Variants in RANBP2 observed in about 807,000 individuals in gnomAD.
RANBP2 encodes E3 SUMO-protein ligase RanBP2.
Under a neutral mutation model 303.6 loss-of-function variants are expected in RANBP2, and 57 were observed. The ratio of observed to expected loss-of-function variants is 0.19; its 90% confidence interval spans 0.15 to 0.23. RANBP2 has a LOEUF of 0.23. Among genes scored for constraint, RANBP2 ranks in the 10% least tolerant of loss-of-function variants. The pLI is 1.00. For missense variants in RANBP2, 3,138 were observed against 3,780.8 expected (o/e 0.83, Z 4.46); for synonymous variants, 1,167 against 1,301.5 (o/e 0.90, Z 2.23).
the RANBP2 span, among the ~76,000 whole-genome samples, chr2:109,255,778 A>G: frequency 1.3e-5 from 2 of 152,236 alleles, no homozygotes; most frequent in South Asian, 2.1e-4. Flanking sequence ...TTCCTGATTT[A>G]ATGAAGACAA....
the RANBP2 span, among the ~76,000 whole-genome samples, chr2:109,081,534 T>A: frequency 5.3e-5 from 8 of 152,268 alleles, no homozygotes; most frequent in East Asian, 1.4e-3. Context: ...CAAGCCTCCA[T>A]CGTGCTCAGG....
At chr2:109,301,440 G>T in the RANBP2 span, among the ~76,000 whole-genome samples, 1 of 152,082 alleles carries the variant, frequency 6.6e-6, no homozygotes, top group African/African-American at 2.4e-5. Context: ...CCTCTCCTCC[G>T]GGGATTGCTG....
chr2:109,738,134 C>T, the RANBP2 span, among the ~76,000 whole-genome samples: 1 of 151,828 alleles, frequency 6.6e-6, no homozygotes, highest in African/African-American at 2.4e-5. Flanking sequence ...TTTTTGTGGT[C>T]TCATCTGTAA....
chr2:108,839,981 G>T, the RANBP2 span, among the ~76,000 whole-genome samples: 1 of 151,950 alleles, frequency 6.6e-6, no homozygotes, highest in South Asian at 2.1e-4. Context: ...CCATTACTAA[G>T]TATAATATTA....
At chr2:109,057,493 G>A in the RANBP2 span, among the ~76,000 whole-genome samples, 19 of 152,312 alleles carry the variant, frequency 1.2e-4, no homozygotes, top group South Asian at 8.3e-4. Flanking sequence ...AGCAGATTGC[G>A]GAGTCGAAGG....
the RANBP2 span, among the ~76,000 whole-genome samples, chr2:109,026,494 C>T: frequency 5.9e-5 from 9 of 152,186 alleles, no homozygotes; most frequent in African/African-American, 1.9e-4. Flanking sequence ...TTGCCTGTCC[C>T]TTGGGCCCCT....
the RANBP2 span, among the ~76,000 whole-genome samples, chr2:109,131,773 G>T: frequency 6.6e-6 from 1 of 152,202 alleles, no homozygotes; most frequent in Non-Finnish European, 1.5e-5. Context: ...CTCACCATAT[G>T]TTGAGACCCT....
chr2:109,442,502 CTG>C, the RANBP2 span, among the ~76,000 whole-genome samples: 4 of 152,230 alleles, frequency 2.6e-5, no homozygotes, highest in South Asian at 8.3e-4. Context: ...ATATAATTGA[CTG>C]TTTAAACAAA....
the RANBP2 span, among the ~76,000 whole-genome samples, chr2:109,638,805 C>T: frequency 6.6e-6 from 1 of 152,094 alleles, no homozygotes; most frequent in African/African-American, 2.4e-5. Flanking sequence ...AAGAAACAAC[C>T]CCACAGTTCT....
At chr2:109,613,850 A>G in the RANBP2 span, 1 of 1,236,458 alleles carries the variant, frequency 8.1e-7, no homozygotes, top group Non-Finnish European at 1.0e-6. Context: ...GGGCACGGTG[A>G]AGCGGCTGTA....
At chr2:108,980,612 G>A in the RANBP2 span, among the ~76,000 whole-genome samples, 3 of 152,126 alleles carry the variant, frequency 2.0e-5, no homozygotes, top group African/African-American at 4.8e-5. Flanking sequence ...GGAGTCCAGG[G>A]GTGGGAGCTG....
At chr2:109,563,034 C>CT in the RANBP2 span, among the ~76,000 whole-genome samples, 1 of 152,056 alleles carries the variant, frequency 6.6e-6, no homozygotes, top group Non-Finnish European at 1.5e-5. Flanking sequence ...CCTCAGCCTC[C>CT]TGAGTAGCTG....
the RANBP2 span, among the ~76,000 whole-genome samples, chr2:108,986,224 G>GT: frequency 6.6e-6 from 1 of 152,062 alleles, no homozygotes; most frequent in South Asian, 2.1e-4. Context: ...ATATTTGACA[G>GT]TTTTTTTCAC....
chr2:108,842,942 T>G, the RANBP2 span, among the ~76,000 whole-genome samples: 1 of 152,174 alleles, frequency 6.6e-6, no homozygotes, highest in Non-Finnish European at 1.5e-5. Flanking sequence ...TAACCTTTTC[T>G]GTATACGCTT....
At chr2:108,873,282 T>G in the RANBP2 span, 1 of 211,684 alleles carries the variant, frequency 4.7e-6, no homozygotes, top group Non-Finnish European at 6.9e-6. Flanking sequence ...AGCCAGTGGA[T>G]GTTTTAATTT....
chr2:109,295,446 C>G, the RANBP2 span, among the ~76,000 whole-genome samples: 145 of 152,298 alleles, frequency 9.5e-4, no homozygotes, highest in African/African-American at 3.3e-3. Context: ...CCGAGGGGCA[C>G]GCAGGGCAGG....
chr2:108,906,241 C>A, the RANBP2 span: 1 of 1,571,352 alleles, frequency 6.4e-7, no homozygotes, highest in Non-Finnish European at 8.8e-7. Flanking sequence ...AGCCTCAGGG[C>A]TCCGGGCCCA....
At chr2:109,450,983 G>GGC in the RANBP2 span, among the ~76,000 whole-genome samples, 1 of 152,182 alleles carries the variant, frequency 6.6e-6, no homozygotes, top group Non-Finnish European at 1.5e-5. Flanking sequence ...GCGCTGACTC[G>GGC]GCGGGCTCTC....
chr2:109,238,092 G>A, the RANBP2 span, among the ~76,000 whole-genome samples: 3 of 152,186 alleles, frequency 2.0e-5, no homozygotes, highest in East Asian at 5.8e-4. Flanking sequence ...TGTAATCCCA[G>A]GTGGAGCTGA....
Sources: allele counts gnomAD v4.1 joint callset (sites outside exome capture counted in the v4.1 genomes callset), GRCh38; gene constraint gnomAD v4.1.1; transcripts MANE v1.5; gene names NCBI Gene and HGNC (gene_info 2026-07-23, HGNC 2026-07-21).